MAGI2: variants seen among roughly 807,000 people sequenced by gnomAD.
MAGI2 encodes the protein membrane-associated guanylate kinase, WW and PDZ domain-containing protein 2.
MAGI2 carries 35 observed loss-of-function variants against 133.3 expected under a neutral mutation model. The observed-to-expected ratio is 0.26, with a 90% CI of 0.20 to 0.35. The LOEUF (loss-of-function observed/expected upper bound fraction) is 0.35, where lower values mean the gene tolerates loss of function less well. Ranked by LOEUF, MAGI2 falls within the 10% of genes least tolerant of loss-of-function variation. The probability of loss-of-function intolerance (pLI) is 1.00; values close to 1 mark genes in which losing one functional copy is unlikely to be tolerated. For missense variants in MAGI2, 1,636 were observed against 1,863.4 expected (o/e 0.88, Z 2.25); for synonymous variants, 729 against 710.6 (o/e 1.03, Z -0.41).
chr7:78,616,815 G>T (rs569908052), intron 3 of MAGI2: 2 of 152,220 alleles, frequency 1.3e-5, no homozygotes, highest in South Asian at 4.2e-4. Flanking sequence ...GGTTCTCATT[G>T]TTGGGTTAGA....
At chr7:79,287,661 G>A (rs148644264) in intron 1 of MAGI2, among the ~76,000 whole-genome samples, 49 of 152,202 alleles carry the variant, frequency 3.2e-4, no homozygotes, top group Middle Eastern at 3.4e-3. Context: ...TACCTGCTTT[G>A]CAGGACCTTT....
At chr7:79,281,658 G>A (rs1406157) in intron 1 of MAGI2, among the ~76,000 whole-genome samples, 84,069 of 151,962 alleles carry the variant, frequency 0.55, 25,871 homozygotes, top group Non-Finnish European at 0.68. Flanking sequence ...TTCAAAGGAC[G>A]TCTGGGTAAA....
chr7:78,973,369 C>A (rs1803954778), intron 2 of MAGI2, among the ~76,000 whole-genome samples: 1 of 151,586 alleles, frequency 6.6e-6, no homozygotes, highest in African/African-American at 2.4e-5. Flanking sequence ...TTTGCTTAAA[C>A]CAAATGACAA....
intron 2 of MAGI2, among the ~76,000 whole-genome samples, chr7:78,885,154 G>C (rs1199905155): frequency 6.6e-6 from 1 of 152,140 alleles, no homozygotes; most frequent in African/African-American, 2.4e-5. Flanking sequence ...GGGACTACTA[G>C]AGAGAGCATA....
intron 3 of MAGI2, among the ~76,000 whole-genome samples, chr7:78,590,117 C>T (rs1044534891): frequency 4.1e-4 from 62 of 152,122 alleles, no homozygotes; most frequent in African/African-American, 1.4e-3. Context: ...TAGGGAGAGG[C>T]AGAAGAGGGA....
At chr7:79,448,378 GAGTAA>G (rs1216167543) in intron 1 of MAGI2, among the ~76,000 whole-genome samples, 3 of 151,930 alleles carry the variant, frequency 2.0e-5, no homozygotes, top group African/African-American at 7.2e-5. Context: ...AATTTGAATT[GAGTAA>G]AATATCTTGA....
chr7:78,275,941 C>G (rs909320269), intron 9 of MAGI2, among the ~76,000 whole-genome samples: 1 of 152,158 alleles, frequency 6.6e-6, no homozygotes, highest in Non-Finnish European at 1.5e-5. Flanking sequence ...TTTAGTTACA[C>G]AGACATGCTA....
chr7:78,806,144 G>GACTTCCTCT, intron 2 of MAGI2, among the ~76,000 whole-genome samples: 1 of 152,204 alleles, frequency 6.6e-6, no homozygotes, highest in Non-Finnish European at 1.5e-5. Flanking sequence ...CAGTATAAGT[G>GACTTCCTCT]ATACTGCTTA....
At chr7:78,760,102 C>T (rs999243787) in intron 2 of MAGI2, among the ~76,000 whole-genome samples, 2 of 148,320 alleles carry the variant, frequency 1.3e-5, no homozygotes, top group South Asian at 2.1e-4. Context: ...GGCAACAGAG[C>T]GAGACTCCGT....
At chr7:78,375,666 C>T (rs1794379069) in intron 6 of MAGI2, among the ~76,000 whole-genome samples, 1 of 151,876 alleles carries the variant, frequency 6.6e-6, no homozygotes, top group Admixed American at 6.6e-5. Flanking sequence ...TAAAAAATTC[C>T]CATAGGTTAA....
At chr7:78,789,314 C>A (rs550534642) in intron 2 of MAGI2, among the ~76,000 whole-genome samples, 1 of 152,262 alleles carries the variant, frequency 6.6e-6, no homozygotes, top group South Asian at 2.1e-4. Context: ...AACAAGAAAT[C>A]TTTCAAGTTT....
At chr7:78,338,416 C>A (rs903532374) in intron 9 of MAGI2, among the ~76,000 whole-genome samples, 2 of 152,182 alleles carry the variant, frequency 1.3e-5, no homozygotes, top group Non-Finnish European at 2.9e-5. Context: ...TAAGCACCTC[C>A]CAGCAGAACG....
At chr7:78,166,604 C>T (rs740027) in intron 15 of MAGI2, among the ~76,000 whole-genome samples, 17,183 of 152,108 alleles carry the variant, frequency 0.11, 987 homozygotes, top group East Asian at 0.19. Context: ...TTTAAATGAC[C>T]GCCCTTGCTC....
intron 1 of MAGI2, among the ~76,000 whole-genome samples, chr7:79,048,322 A>C (rs539541018): frequency 2.6e-5 from 4 of 152,204 alleles, no homozygotes; most frequent in Non-Finnish European, 5.9e-5. Context: ...ATTCATAAAG[A>C]AATAATGCTG....
chr7:78,511,553 T>TAA (rs1795580191), intron 4 of MAGI2, among the ~76,000 whole-genome samples: 12 of 79,166 alleles, frequency 1.5e-4, no homozygotes, highest in Admixed American at 3.5e-4. Context: ...ATATATAAAT[T>TAA]TTTTTTTTTT....
chr7:78,471,754 G>A (rs946339293), intron 6 of MAGI2, among the ~76,000 whole-genome samples: 4 of 151,834 alleles, frequency 2.6e-5, no homozygotes, highest in Non-Finnish European at 4.4e-5. Context: ...GTGAAACCCC[G>A]TGTCTACTAA....
At chr7:78,686,912 C>G (rs777980488) in intron 2 of MAGI2, among the ~76,000 whole-genome samples, 4 of 152,106 alleles carry the variant, frequency 2.6e-5, no homozygotes, top group Non-Finnish European at 5.9e-5. Context: ...GTTCTAACAC[C>G]AGTAGCATTC....
chr7:78,174,604 G>C (rs944911761), intron 14 of MAGI2, among the ~76,000 whole-genome samples: 4 of 152,208 alleles, frequency 2.6e-5, no homozygotes, highest in Non-Finnish European at 4.4e-5. Context: ...GTTTCTGAAA[G>C]GTTAACCCTT....
intron 6 of MAGI2, among the ~76,000 whole-genome samples, chr7:78,469,715 T>A (rs1387576328): frequency 2.0e-5 from 3 of 152,148 alleles, no homozygotes. Flanking sequence ...AAAAACTGCA[T>A]TATATTAACT....
Sources: gnomAD v4.1 joint callset for allele counts (sites outside exome capture counted in the v4.1 genomes callset) on GRCh38, gnomAD v4.1.1 for gene constraint, MANE v1.5 for transcripts, NCBI Gene and HGNC (gene_info 2026-07-23, HGNC 2026-07-21) for gene names.